Variants in ERMAP observed in about 807,000 individuals in gnomAD.
ERMAP encodes the protein erythroid membrane-associated protein.
ERMAP carries 34 observed loss-of-function variants against 49.5 expected under a neutral mutation model. The observed-to-expected ratio is 0.69, with a 90% CI of 0.52 to 0.91. ERMAP has a LOEUF of 0.91. Ranked by LOEUF, ERMAP falls within the 40% of genes least tolerant of loss-of-function variation. The probability of loss-of-function intolerance (pLI) is 0.00; values close to 1 mark genes in which losing one functional copy is unlikely to be tolerated. For missense variants in ERMAP, 541 were observed against 582.6 expected (o/e 0.93, Z 0.74); for synonymous variants, 214 against 232.2 (o/e 0.92, Z 0.71).
chr1:42,836,302 A>G (rs1438359372), intron 6 of ERMAP, among the ~76,000 whole-genome samples: 1 of 152,194 alleles, frequency 6.6e-6, no homozygotes, highest in Non-Finnish European at 1.5e-5. Flanking sequence ...GTCCTGAAGG[A>G]CTAGAAGTCA....
Position 42,825,712 on chromosome 1 carries a change from G to A in ERMAP, c.-32G>A, listed in dbSNP as rs1160228281. The A allele has an allele frequency of 2.3e-6, 3 of 1,289,382 alleles. No individual in the cohort carries two copies. The highest frequency in any genetic ancestry group is 3.0e-6 in the Non-Finnish European group (3 of 988,874). The allele number at this position is 1,289,382 out of a possible 1,614,324, so 79.9% of individuals were successfully genotyped here. On this transcript the variant is annotated 5_prime_UTR_variant, in exon 2 of 12. Coordinates refer to ENST00000372517, the MANE Select transcript of ERMAP (RefSeq NM_001017922.2). ...CAAACTCCAGCTTTGCCTGTGAGAG[G>A]AACAAGCGTCCCTGATCCAGAAGGT...
chr1:42,819,168 AGCGTGTGT>A lies in ERMAP; in HGVS notation c.-122+1917_-122+1924del, dbSNP rs1654335602. On this transcript the variant is annotated intron_variant, in intron 1 of 11. Coordinates refer to ENST00000372517, the MANE Select transcript of ERMAP (RefSeq NM_001017922.2). This position sits in a 1 kb window ranked among gnomAD's most constrained non-coding sequence, Gnocchi z 5.1. Reference sequence around the variant, plus strand: ...ACGGTGAGGAAGAGGATAAGTTAGGAGCGTGTGTGTGTGTGTGTGTGTGTGTGTGTGTG... The same window carrying A: ...ACGGTGAGGAAGAGGATAAGTTAGGAGTGTGTGTGTGTGTGTGTGTGTGTG... Among the ~76,000 whole-genome samples, 4 of 94,344 alleles carry A rather than the reference AGCGTGTGT, an allele frequency of 4.2e-5. No individual in the cohort carries two copies. The highest frequency in any genetic ancestry group is 4.0e-4 in the Admixed American group (3 of 7,416). 61.9% of individuals were successfully genotyped at this position (94,344 alleles called of 152,430 possible). A position where few individuals can be genotyped will look rare whatever the true frequency, so the allele number is the denominator to read the frequency against.
rs967784826 is a variant in ERMAP, at chr1:42,843,622, C to T, written c.*390C>T. 1 of 189,232 alleles carries T rather than the reference C, an allele frequency of 5.3e-6. No homozygotes were observed. Among genetic ancestry groups the T allele is most frequent in the Non-Finnish European group, 1.1e-5 (1 of 93,686 alleles). 11.7% of individuals were successfully genotyped at this position (189,232 alleles called of 1,614,324 possible). A position where few individuals can be genotyped will look rare whatever the true frequency, so the allele number is the denominator to read the frequency against. On this transcript the variant is annotated 3_prime_UTR_variant, in exon 12 of 12. Transcript: ENST00000372517. ...GTCAAGAAGTTATGGCCCCCAGTCC[C>T]TGACTTCTTACTTATCCCATTGAGG...
At position 42,831,088 on chromosome 1, in the gene ERMAP, G is replaced by C; in HGVS notation, c.406G>C (p.Glu136Gln). ...GATCCAAGTTGGAAATCTGAGTAAA[G>C]AGGACACCGTGATCCTGCAGGTTGC... Reference protein sequence around the residue: ...CLIQVGNLSKEDTVILQVAAP... With the variant: ...CLIQVGNLSKQDTVILQVAAP... Residue 136 changes from glutamate to glutamine, a missense_variant, in exon 4 of 12, where the codon GAG becomes CAG. By Grantham distance (29) the Glu-to-Gln change is conservative (BLOSUM62 2). Coordinates refer to ENST00000372517, the MANE Select transcript of ERMAP (RefSeq NM_001017922.2). 6.2e-7 allele frequency: 1 copy of C among 1,614,248 alleles called. No homozygotes were observed. The highest frequency in any genetic ancestry group is 8.5e-7 in the Non-Finnish European group (1 of 1,180,048).
Position 42,843,223 on chromosome 1 carries a change from T to C in ERMAP, c.1419T>C (p.Pro473=). 1 of 1,580,288 alleles carries C rather than the reference T, an allele frequency of 6.3e-7. No individual in the cohort carries two copies. The highest frequency in any genetic ancestry group is 8.6e-7 in the Non-Finnish European group (1 of 1,166,192). ...LGPALQELKA[P]SF is the part of the protein sequence containing the mutation. ...CAGCCCTTCAGGAGCTCAAGGCTCC[T>C]TCTTTTTAGGGATATGCCACATTAC... The change falls in exon 12 of 12, where the codon CCT becomes CCC. Residue 473 remains proline (P), a synonymous_variant. Coordinates refer to ENST00000372517, the MANE Select transcript of ERMAP (RefSeq NM_001017922.2).
At position 42,842,514 on chromosome 1, in the gene ERMAP, C is replaced by T; in HGVS notation, c.713-3C>T. Reference sequence around the variant, plus strand: ...AGCCTCACCTGTCTGTGTCTCTTTGCAGTGGCAGTGACCCTGGACCCAGAC... The same window carrying T: ...AGCCTCACCTGTCTGTGTCTCTTTGTAGTGGCAGTGACCCTGGACCCAGAC... On this transcript the variant is annotated splice_polypyrimidine_tract_variant and splice_region_variant and intron_variant, in intron 11 of 11. Transcript: ENST00000372517. 1 of 1,608,628 alleles carries T rather than the reference C, an allele frequency of 6.2e-7. No individual in the cohort carries two copies. The highest frequency in any genetic ancestry group is 8.5e-7 in the Non-Finnish European group (1 of 1,176,896).
intron 2 of ERMAP, 48 bp downstream of exon 2, chr1:42,825,786 C>G (rs1226153671): frequency 7.8e-7 from 1 of 1,288,268 alleles, no homozygotes; most frequent in Non-Finnish European, 1.0e-6. Flanking sequence ...TTAACTTTCT[C>G]AGGATCCTCA....
In ERMAP at chr1:42,843,254, C is replaced by G; in HGVS notation, c.*22C>G. On this transcript the variant is annotated 3_prime_UTR_variant, in exon 12 of 12. Transcript: ENST00000372517. ...TTAGGGATATGCCACATTACCTGCT[C>G]CCATCACCATCCAGCCCAGCACCCT... 1 of 1,524,180 alleles carries G rather than the reference C, an allele frequency of 6.6e-7. No homozygotes were observed. Among genetic ancestry groups the G allele is most frequent in the Non-Finnish European group, 8.8e-7 (1 of 1,131,942 alleles). The allele number at this position is 1,524,180 out of a possible 1,614,324, so 94.4% of individuals were successfully genotyped here.
chr1:42,835,870 T>A (rs1654882273), intron 6 of ERMAP, 106 bp downstream of exon 6: 59 of 1,488,018 alleles, frequency 4.0e-5, no homozygotes, highest in Non-Finnish European at 5.1e-5. Flanking sequence ...TTCCATTATC[T>A]GCTATCCTTG....
Position 42,830,969 on chromosome 1 carries a change from G to A in ERMAP, c.287G>A (p.Gly96Glu), listed in dbSNP as rs775682230. The A allele has an allele frequency of 1.9e-6, 3 of 1,614,214 alleles. No homozygotes were observed. The highest frequency in any genetic ancestry group is 1.7e-6 in the Non-Finnish European group (2 of 1,180,036). Residue 96 changes from glycine (G) to glutamate (E), a missense_variant, in exon 4 of 12, where the codon GGG becomes GAG. Transcript: ENST00000372517. The part of the protein sequence containing the change: ...QDEDLMPEYK[G>E]RTVLVRDAQE... ...GAAGATCTGATGCCGGAATATAAGG[G>A]GAGGACGGTGCTAGTGAGAGATGCC...
intron 5 of ERMAP, 156 bp downstream of exon 5, chr1:42,835,310 G>A (rs567335958): frequency 8.0e-6 from 5 of 626,374 alleles, no homozygotes; most frequent in Admixed American, 2.7e-5. Flanking sequence ...CATGCCCTGG[G>A]GACACACATT....
At chr1:42,834,225 C>T (rs1010635558) in intron 4 of ERMAP, among the ~76,000 whole-genome samples, 12 of 152,192 alleles carry the variant, frequency 7.9e-5, no homozygotes, top group Non-Finnish European at 1.5e-4. Context: ...TTCTTTTCCC[C>T]TTTCTCTCCT....
chr1:42,821,414 T>C (rs1275843211), intron 1 of ERMAP, among the ~76,000 whole-genome samples: 1 of 152,244 alleles, frequency 6.6e-6, no homozygotes, highest in Non-Finnish European at 1.5e-5. Context: ...TTTATCTATG[T>C]CTGTATCTGT....
At chr1:42,830,694 A>G in intron 3 of ERMAP, 74 bp from the exon 4 acceptor site, 6 of 1,390,752 alleles carry the variant, frequency 4.3e-6, no homozygotes, top group Non-Finnish European at 4.8e-6. Flanking sequence ...TCCCCGGGAT[A>G]TCCTCTTCCT....
intron 2 of ERMAP, among the ~76,000 whole-genome samples, chr1:42,828,498 ATT>A (rs397980007): frequency 3.5e-5 from 5 of 142,058 alleles, no homozygotes; most frequent in African/African-American, 1.3e-4. Context: ...TTTTAAAAAA[ATT>A]TTTTTTTTTT....
At position 42,837,179 on chromosome 1, in the gene ERMAP, C is replaced by A; in HGVS notation, c.605C>A (p.Ala202Asp). 6.2e-7 allele frequency: 1 copy of A among 1,613,546 alleles called. No homozygotes were observed. The highest frequency in any genetic ancestry group is 8.5e-7 in the Non-Finnish European group (1 of 1,179,746). Residue 202 changes from alanine (A) to aspartate (D), a missense_variant, in exon 7 of 12, where the codon GCT (alanine) becomes GAT (aspartate). Transcript: ENST00000372517. ...CTAGACAATCTTCTTTCAGACCATGCTAAAGAAAAAGGTAATGATATAAAA... is the reference window on the plus strand; with the variant it reads ...CTAGACAATCTTCTTTCAGACCATGATAAAGAAAAAGGTAATGATATAAAA... ...TEVDNLLSDH[A>D]KEKGKLHKAV... is the part of the protein sequence containing the mutation.
In ERMAP at chr1:42,830,710, C is replaced by T. The variant is rs1178319572; in HGVS notation, c.86-58C>T. 2.0e-6 allele frequency: 3 copies of T among 1,470,380 alleles called. No individual in the cohort carries two copies. In the Admixed American group the frequency reaches 6.6e-5, roughly 32 times the overall value. The allele number at this position is 1,470,380 out of a possible 1,614,324, so 91.1% of individuals were successfully genotyped here. On this transcript the variant is annotated intron_variant, in intron 3 of 11. Transcript: ENST00000372517. ...CCCCGGGATATCCTCTTCCTCATCC[C>T]TTCCCAAGCTTTCTCCTGCCGTCCC...
chr1:42,837,070 AG>A, intron 6 of ERMAP, 87 bp from the exon 7 acceptor site: 1 of 1,353,260 alleles, frequency 7.4e-7, no homozygotes, highest in Non-Finnish European at 1.1e-6. Context: ...AGAGGTGGAC[AG>A]GTCCAAGGGC....
At chr1:42,817,651 T>C (rs1400222758) in intron 1 of ERMAP, 3 of 153,822 alleles carry the variant, frequency 2.0e-5, no homozygotes, top group Admixed American at 6.5e-5. Context: ...ACCTTCTTCA[T>C]TCATGAGTTT....
Sources: allele counts gnomAD v4.1 joint callset (sites outside exome capture counted in the v4.1 genomes callset), GRCh38; gene constraint gnomAD v4.1.1; non-coding constraint Gnocchi (gnomAD v3.1); transcripts MANE v1.5; gene names NCBI Gene and HGNC (gene_info 2026-07-23, HGNC 2026-07-21).